Variants in ANKRD53 observed in about 807,000 individuals in gnomAD.
ANKRD53 encodes the protein ankyrin repeat domain-containing protein 53.
Under a neutral mutation model 30.1 loss-of-function variants are expected in ANKRD53, and 27 were observed. That is an observed-to-expected ratio of 0.90 (90% CI 0.66 to 1.24). ANKRD53 has a LOEUF of 1.24. Among genes scored for constraint, ANKRD53 ranks in the 50% most tolerant of loss-of-function variants. The pLI, the probability that ANKRD53 is intolerant of heterozygous loss-of-function variation, is 0.00. For synonymous variants in ANKRD53, 286 were observed against 295.4 expected (o/e 0.97, Z 0.33); for missense variants, 682 against 721.0 (o/e 0.95, Z 0.62).
At chr2:70,980,717 G>C (rs1026392351) in intron 3 of ANKRD53, among the ~76,000 whole-genome samples, 1 of 152,166 alleles carries the variant, frequency 6.6e-6, no homozygotes, top group Non-Finnish European at 1.5e-5. Context: ...AGGCTGGGGC[G>C]AGCGGATCAC....
intron 3 of ANKRD53, among the ~76,000 whole-genome samples, chr2:70,980,359 A>C (rs1423015741): frequency 1.3e-5 from 2 of 151,254 alleles, no homozygotes; most frequent in Admixed American, 1.3e-4. Context: ...TAACAGACCT[A>C]GTCTACATCC....
At chr2:70,979,395 G>A in intron 2 of ANKRD53, 52 bp downstream of exon 2, 1 of 1,606,572 alleles carries the variant, frequency 6.2e-7, no homozygotes, top group Non-Finnish European at 8.5e-7. Context: ...CCGCTACGCT[G>A]CTCGGAGTGG....
Position 70,980,163 on chromosome 2 carries a change from A to C in ANKRD53, c.617+303A>C, listed in dbSNP as rs184742562. ...AAACCCCATCTCTACTAAAAATACA[A>C]AATTAGCAGGGCATGGTGGCGCATG... On this transcript the variant is annotated intron_variant, in intron 3 of 5. Coordinates refer to ENST00000360589, the MANE Select transcript of ANKRD53 (RefSeq NM_001115116.2). 2.0e-5 allele frequency among the ~76,000 whole-genome samples: 3 copies of C among 152,266 alleles called. No homozygotes were observed. The East Asian group carries it at 5.8e-4, about 29-fold the overall frequency.
chr2:70,978,987 A>G lies in ANKRD53; in HGVS notation c.171-110A>G. The G allele has an allele frequency of 6.9e-7, 1 of 1,453,752 alleles. No homozygotes were observed. The allele number at this position is 1,453,752 out of a possible 1,614,324, so 90.1% of individuals were successfully genotyped here. A position where few individuals can be genotyped will look rare whatever the true frequency, so the allele number is the denominator to read the frequency against. On this transcript the variant is annotated intron_variant, in intron 1 of 5. Coordinates refer to ENST00000360589, the MANE Select transcript of ANKRD53 (RefSeq NM_001115116.2). The surrounding 1 kb of genome is among the most constrained non-coding windows in gnomAD (Gnocchi z 4.3). The stretch of plus-strand genomic sequence containing the variant: ...GAGAGGTGCCTAGGCCGTGGCCCAG[A>G]GTCGCTTCCCCACTGCCCCGCCCAC...
rs559086342 is a variant in ANKRD53, at chr2:70,981,257, C to T, written c.618-679C>T. On this transcript the variant is annotated intron_variant, in intron 3 of 5. Coordinates refer to ENST00000360589, the MANE Select transcript of ANKRD53 (RefSeq NM_001115116.2). ...GTCACAGAAATGGTCCCTCTCCTCACGAAGCTGACATTCTAGTAAAGGAGC... is the reference window on the plus strand; with the variant it reads ...GTCACAGAAATGGTCCCTCTCCTCATGAAGCTGACATTCTAGTAAAGGAGC... Among the ~76,000 whole-genome samples the T allele has an allele frequency of 1.9e-4, 29 of 152,158 alleles. No individual in the cohort carries two copies. In the East Asian group the frequency reaches 2.3e-3, roughly 12 times the overall value.
chr2:70,984,710 G>A lies in ANKRD53; in HGVS notation c.1003G>A (p.Ala335Thr), dbSNP rs782695501. The A allele has an allele frequency of 8.7e-6, 14 of 1,611,840 alleles. 1 individual carries two copies. In the South Asian group the frequency reaches 1.3e-4, roughly 15 times the overall value. ...SLVSNTKQAR[A>T]TALSKTPEQR... ...GGTCTCCAATACCAAGCAAGCCCGG[G>A]CCACCGCCCTCTCCAAGACCCCAGA... Residue 335 changes from alanine (A) to threonine (T), a missense_variant, in exon 6 of 6, where the codon GCC (alanine) becomes ACC (threonine). Coordinates refer to ENST00000360589, the MANE Select transcript of ANKRD53 (RefSeq NM_001115116.2).
In ANKRD53 at chr2:70,979,163, C is replaced by T; in HGVS notation, c.237C>T (p.Arg79=). 6.2e-7 allele frequency: 1 copy of T among 1,611,926 alleles called. No homozygotes were observed. The highest frequency in any genetic ancestry group is 1.1e-5 in the South Asian group (1 of 91,054). Reference sequence around the variant, plus strand: ...CGACTGCCCTCGCCAGGCCGCGCCGCCCTGCCTCGCTCACCCCGCCCCGCG... The same window carrying T: ...CGACTGCCCTCGCCAGGCCGCGCCGTCCTGCCTCGCTCACCCCGCCCCGCG... ...AQATALARPR[R]PASLTPPRAD... is the part of the protein sequence containing the mutation. The change falls in exon 2 of 6, where the codon CGC becomes CGT. Residue 79 remains arginine, a synonymous_variant. Transcript: ENST00000360589.
At position 70,982,660 on chromosome 2, in the gene ANKRD53, T is replaced by C; in HGVS notation, c.866T>C (p.Leu289Pro). 1 of 1,614,166 alleles carries C rather than the reference T, an allele frequency of 6.2e-7. No homozygotes were observed. The highest frequency in any genetic ancestry group is 8.5e-7 in the Non-Finnish European group (1 of 1,180,014). ...MTKMKMFKSQ[L>P]TLMEHNYLIE... Reference sequence around the variant, plus strand: ...AAAATGAAGATGTTCAAGAGCCAGCTGACCCTCATGGAGCACAACTACCTG... The same window carrying C: ...AAAATGAAGATGTTCAAGAGCCAGCCGACCCTCATGGAGCACAACTACCTG... The change falls in exon 5 of 6, where the codon CTG becomes CCG. Residue 289 changes from leucine to proline, a missense_variant. Coordinates refer to ENST00000360589, the MANE Select transcript of ANKRD53 (RefSeq NM_001115116.2). This position sits in a 1 kb window ranked among gnomAD's most constrained non-coding sequence, Gnocchi z 4.2.
rs1237006731 is a variant in ANKRD53 at position 70,981,923 on chromosome 2, G to A, written c.618-13G>A. 43 of 1,555,100 alleles carry A rather than the reference G, an allele frequency of 2.8e-5. No homozygotes were observed. Among genetic ancestry groups the A allele is most frequent in the Non-Finnish European group, 3.7e-5 (43 of 1,149,170 alleles). ...CTTTCTGCCCTTATCCCCACTGGTG[G>A]GGCCTTCCACAGTCAGACATGCAAC... On this transcript the variant is annotated splice_polypyrimidine_tract_variant and intron_variant, in intron 3 of 5. Transcript: ENST00000360589.
At chr2:70,978,545 C>T, upstream of ANKRD53, 1 of 1,344,530 alleles carries the variant, frequency 7.4e-7, no homozygotes. This position sits in a 1 kb window ranked among gnomAD's most constrained non-coding sequence, Gnocchi z 4.3. Flanking sequence ...TGGAAGGGGC[C>T]GGGAAACCGC....
Position 70,982,343 on chromosome 2 carries a change from GC to G in ANKRD53, c.783-230del. ...CACTGCCCTCCTTTCCTGCCCTGGG[GC>G]CCCTGGCTCCTCAGCAGGAGGGTGG... On this transcript the variant is annotated intron_variant, in intron 4 of 5. Coordinates refer to ENST00000360589, the MANE Select transcript of ANKRD53 (RefSeq NM_001115116.2). This position sits in a 1 kb window ranked among gnomAD's most constrained non-coding sequence, Gnocchi z 4.2. 2.7e-6 allele frequency: 2 copies of G among 747,484 alleles called. No homozygotes were observed. The highest frequency in any genetic ancestry group is 4.2e-6 in the Non-Finnish European group (2 of 478,802). The allele number at this position is 747,484 out of a possible 1,614,324, so 46.3% of individuals were successfully genotyped here.
Position 70,984,973 on chromosome 2 carries a change from C to A in ANKRD53, c.1266C>A (p.Ser422Arg), listed in dbSNP as rs1670134912. 6.5e-7 allele frequency: 1 copy of A among 1,549,994 alleles called. No individual in the cohort carries two copies. Among genetic ancestry groups the A allele is most frequent in the Middle Eastern group, 1.7e-4 (1 of 5,990 alleles). Residue 422 changes from serine (S) to arginine (R), a missense_variant, in exon 6 of 6, where the codon AGC becomes AGA. Physicochemically the swap from Ser to Arg is moderately radical, Grantham distance 110 (BLOSUM62 -1). Transcript: ENST00000360589. Reference sequence around the variant, plus strand: ...CCACTCCGGAGCACGACTTCAGCAGCTTCCTGGAGGTGAGGCCTGATGGGC... The same window carrying A: ...CCACTCCGGAGCACGACTTCAGCAGATTCCTGGAGGTGAGGCCTGATGGGC... ...PDPTPEHDFS[S>R]FLEVRPDGHG...
Position 70,984,639 on chromosome 2 carries a change from C to A in ANKRD53, c.932C>A (p.Ala311Asp), listed in dbSNP as rs1553424314. ...QKEHKILREAAIRKWLHGKLH... is the reference protein window; with the variant it reads ...QKEHKILREADIRKWLHGKLH... ...GAGCACAAAATTCTCAGAGAAGCTG[C>A]TATCAGAAAGTGGCTCCACGGCAAG... The change falls in exon 6 of 6, where the codon GCT becomes GAT. Residue 311 changes from alanine (A) to aspartate (D), a missense_variant. Transcript: ENST00000360589. 9 of 1,614,044 alleles carry A rather than the reference C, an allele frequency of 5.6e-6. No homozygotes were observed. The Admixed American group carries it at 1.2e-4, about 21-fold the overall frequency.
At position 70,978,966 on chromosome 2, in the gene ANKRD53, G is replaced by A. The variant is rs1572931455; in HGVS notation, c.171-131G>A. On this transcript the variant is annotated intron_variant, in intron 1 of 5. Transcript: ENST00000360589. The surrounding 1 kb of genome is among the most constrained non-coding windows in gnomAD (Gnocchi z 4.3). ...TGGGGCCAGGGATCGCCTCCCGAGA[G>A]GTGCCTAGGCCGTGGCCCAGAGTCG... is the stretch of plus-strand genomic sequence containing the variant. The A allele has an allele frequency of 2.5e-5, 36 of 1,444,432 alleles. No individual in the cohort carries two copies. The South Asian group carries it at 4.0e-4, about 16-fold the overall frequency. The allele number at this position is 1,444,432 out of a possible 1,614,324, so 89.5% of individuals were successfully genotyped here.
Position 70,978,673 on chromosome 2 carries a change from C to A in ANKRD53, c.28C>A (p.Arg10=). 1 of 1,543,156 alleles carries A rather than the reference C, an allele frequency of 6.5e-7. No individual in the cohort carries two copies. The highest frequency in any genetic ancestry group is 8.7e-7 in the Non-Finnish European group (1 of 1,144,798). Residue 10 remains arginine (R), a synonymous_variant, in exon 1 of 6, where the codon CGG becomes AGG. Coordinates refer to ENST00000360589, the MANE Select transcript of ANKRD53 (RefSeq NM_001115116.2). The surrounding 1 kb of genome is among the most constrained non-coding windows in gnomAD (Gnocchi z 4.3). The stretch of plus-strand genomic sequence containing the variant: ...GGCCTCCGCGGGCAGCACCGCTCGG[C>A]GGGCGGGCTCCGGAAGCTGGCACTC... MASAGSTAR[R]AGSGSWHSER...
In ANKRD53 at chr2:70,978,736, A is replaced by T; in HGVS notation, c.91A>T (p.Thr31Ser). Residue 31 changes from threonine to serine, a missense_variant, in exon 1 of 6, where the codon ACT becomes TCT. Physicochemically the swap from Thr to Ser is moderately conservative, Grantham distance 58 (BLOSUM62 1). Coordinates refer to ENST00000360589, the MANE Select transcript of ANKRD53 (RefSeq NM_001115116.2). The surrounding 1 kb of genome is among the most constrained non-coding windows in gnomAD (Gnocchi z 4.3). ...AGGGAGAGGTGCTCGGCCGCAGCCA[A>T]CTCCAAGTGGCTCCATGCAGCAGGC... ...GEGRGARPQP[T>S]PSGSMQQANK... The T allele has an allele frequency of 6.4e-7, 1 of 1,559,318 alleles. No individual in the cohort carries two copies. The highest frequency in any genetic ancestry group is 8.7e-7 in the Non-Finnish European group (1 of 1,151,800).
At chr2:70,979,971 A>C in intron 3 of ANKRD53, 111 bp downstream of exon 3, 1 of 1,278,676 alleles carries the variant, frequency 7.8e-7, no homozygotes, top group Non-Finnish European at 1.1e-6. Context: ...TGGAGGTGAC[A>C]AGGATTGGGT....
chr2:70,979,436 T>C lies in ANKRD53; in HGVS notation c.417+93T>C. Reference sequence around the variant, plus strand: ...TGGAGAAGAGATATCCTTTTCTGGGTAGATCTTCCTAATTTAACTCATCTT... The same window carrying C: ...TGGAGAAGAGATATCCTTTTCTGGGCAGATCTTCCTAATTTAACTCATCTT... On this transcript the variant is annotated intron_variant, in intron 2 of 5. Coordinates refer to ENST00000360589, the MANE Select transcript of ANKRD53 (RefSeq NM_001115116.2). The C allele has an allele frequency of 3.2e-6, 5 of 1,556,954 alleles. No homozygotes were observed. In the South Asian group the frequency reaches 6.1e-5, roughly 19 times the overall value.
At chr2:70,980,644 A>C (rs1669980590) in intron 3 of ANKRD53, among the ~76,000 whole-genome samples, 1 of 152,088 alleles carries the variant, frequency 6.6e-6, no homozygotes. Flanking sequence ...GTCTCAAAAA[A>C]TAAAAAATAA....
Sources: gnomAD v4.1 joint callset for allele counts (sites outside exome capture counted in the v4.1 genomes callset) on GRCh38, gnomAD v4.1.1 for gene constraint, Gnocchi (gnomAD v3.1) non-coding constraint, MANE v1.5 for transcripts, NCBI Gene and HGNC (gene_info 2026-07-23, HGNC 2026-07-21) for gene names.